The following PIK3R1 variants were observed in gnomAD, a reference collection of about 807,000 sequenced individuals.
The protein encoded by PIK3R1 is phosphoinositide-3-kinase regulatory subunit 1, also known as phosphatidylinositol 3-kinase regulatory subunit alpha.
PIK3R1 carries 29 observed loss-of-function variants against 98.0 expected under a neutral mutation model. The ratio of observed to expected loss-of-function variants is 0.30; its 90% CI spans 0.22 to 0.40. PIK3R1 has a LOEUF of 0.40. Ranked by LOEUF, PIK3R1 falls within the 10% of genes least tolerant of loss-of-function variation. The pLI, the probability that PIK3R1 is intolerant of heterozygous loss-of-function variation, is 1.00. For synonymous variants in PIK3R1, 282 were observed against 311.8 expected (o/e 0.90, Z 1.01); for missense variants, 596 against 872.7 (o/e 0.68, Z 3.99).
intron 2 of PIK3R1, among the ~76,000 whole-genome samples, chr5:68,242,423 A>G (rs1561266444): frequency 6.6e-6 from 1 of 152,138 alleles, no homozygotes; most frequent in Non-Finnish European, 1.5e-5. Context: ...TGCTTCCATT[A>G]TATCATCAAC....
intron 2 of PIK3R1, among the ~76,000 whole-genome samples, chr5:68,251,812 G>C (rs999311546): frequency 1.4e-4 from 21 of 152,278 alleles, no homozygotes; most frequent in Admixed American, 1.2e-3. Context: ...ATTATGAGAG[G>C]GAAAGGAGCA....
chr5:68,271,215 G>C (rs1207320996), intron 2 of PIK3R1, among the ~76,000 whole-genome samples: 1 of 152,196 alleles, frequency 6.6e-6, no homozygotes, highest in East Asian at 1.9e-4. Context: ...GCTCTGGCAA[G>C]TGTGGGAGAG....
intron 1 of PIK3R1, among the ~76,000 whole-genome samples, chr5:68,222,355 G>A (rs950843862): frequency 6.6e-6 from 1 of 152,166 alleles, no homozygotes; most frequent in Non-Finnish European, 1.5e-5. Flanking sequence ...CTCTAGATGT[G>A]ACAGTCCTTG....
At chr5:68,219,575 G>C (rs2111930459) in intron 1 of PIK3R1, among the ~76,000 whole-genome samples, 1 of 152,330 alleles carries the variant, frequency 6.6e-6, no homozygotes, top group Non-Finnish European at 1.5e-5. Flanking sequence ...GCCTCTCCCA[G>C]GCCTCCTTTG....
chr5:68,228,601 T>C (rs1481920246), intron 2 of PIK3R1, among the ~76,000 whole-genome samples: 2 of 152,228 alleles, frequency 1.3e-5, no homozygotes, highest in Admixed American at 6.5e-5. Flanking sequence ...CACCAAGTTA[T>C]ATATTTTCAC....
At chr5:68,276,028 T>C (rs953950951) in intron 4 of PIK3R1, among the ~76,000 whole-genome samples, 1 of 152,212 alleles carries the variant, frequency 6.6e-6, no homozygotes, top group East Asian at 1.9e-4. Context: ...TCTTTCACAT[T>C]TTTCAGTGCC....
chr5:68,246,160 A>G (rs1164513115), intron 2 of PIK3R1, among the ~76,000 whole-genome samples: 1 of 152,118 alleles, frequency 6.6e-6, no homozygotes, highest in Non-Finnish European at 1.5e-5. Flanking sequence ...TTACCGTACA[A>G]GTTTGGTTGT....
At chr5:68,251,667 C>CT (rs1199813361) in intron 2 of PIK3R1, among the ~76,000 whole-genome samples, 7 of 152,054 alleles carry the variant, frequency 4.6e-5, no homozygotes, top group African/African-American at 1.7e-4. Flanking sequence ...AAGTAGGAAG[C>CT]TTTTTTTATG....
chr5:68,274,053 G>A, intron 4 of PIK3R1, 40 bp downstream of exon 4: 2 of 1,474,848 alleles, frequency 1.4e-6, no homozygotes, highest in African/African-American at 2.8e-5. Context: ...GGGAAAGACA[G>A]GTCTTGGCTT....
intron 4 of PIK3R1, among the ~76,000 whole-genome samples, chr5:68,279,351 G>A (rs917919416): frequency 6.6e-6 from 1 of 152,112 alleles, no homozygotes; most frequent in African/African-American, 2.4e-5. Context: ...ATGGGCAGGG[G>A]GTCAGGCATC....
intron 2 of PIK3R1, among the ~76,000 whole-genome samples, chr5:68,272,447 C>A (rs1469741473): frequency 6.6e-6 from 1 of 152,004 alleles, no homozygotes; most frequent in Non-Finnish European, 1.5e-5. Flanking sequence ...TTCATAATGA[C>A]TTTAATTTAC....
chr5:68,223,312 C>T (rs983126465), intron 1 of PIK3R1, among the ~76,000 whole-genome samples: 4 of 151,794 alleles, frequency 2.6e-5, no homozygotes, highest in African/African-American at 9.7e-5. Context: ...TAGCTAAGGG[C>T]TCTCTACATC....
intron 7 of PIK3R1, chr5:68,288,524 G>A: frequency 7.3e-7 from 1 of 1,365,930 alleles, no homozygotes; most frequent in Non-Finnish European, 9.4e-7. Context: ...GAGCCGAGCC[G>A]AGCCAAGCGG....
intron 2 of PIK3R1, among the ~76,000 whole-genome samples, chr5:68,254,742 A>G (rs193049843): frequency 1.3e-5 from 2 of 152,160 alleles, no homozygotes; most frequent in African/African-American, 2.4e-5. Context: ...ATGCTTAGTT[A>G]TGGTTCATAC....
intron 2 of PIK3R1, among the ~76,000 whole-genome samples, chr5:68,242,605 C>T (rs754668910): frequency 1.3e-5 from 2 of 152,118 alleles, no homozygotes; most frequent in Admixed American, 6.5e-5. Flanking sequence ...TCATTCTACC[C>T]GTCTAAGGAG....
intron 2 of PIK3R1, among the ~76,000 whole-genome samples, chr5:68,268,906 T>A (rs1251370749): frequency 6.6e-6 from 1 of 152,196 alleles, no homozygotes; most frequent in East Asian, 1.9e-4. Flanking sequence ...TCGAGGCCTG[T>A]CCATGTTAGT....
At chr5:68,280,856 C>T (rs1198052530) in intron 6 of PIK3R1, 71 bp from the exon 7 acceptor site, 2 of 1,246,826 alleles carry the variant, frequency 1.6e-6, no homozygotes, top group Non-Finnish European at 2.3e-6. Flanking sequence ...CACACATTCA[C>T]TTGAGTGTAT....
At chr5:68,222,739 G>C (rs532659479) in intron 1 of PIK3R1, among the ~76,000 whole-genome samples, 2 of 152,164 alleles carry the variant, frequency 1.3e-5, no homozygotes, top group African/African-American at 4.8e-5. Flanking sequence ...GTCTGAGAGA[G>C]TTAAAGAGGC....
intron 2 of PIK3R1, among the ~76,000 whole-genome samples, chr5:68,252,341 A>G (rs935144467): frequency 1.3e-5 from 2 of 150,182 alleles, no homozygotes; most frequent in African/African-American, 4.9e-5. Flanking sequence ...TTTGAAAGCA[A>G]AGCTTGTTGC....
Sources: gnomAD v4.1 joint callset for allele counts (sites outside exome capture counted in the v4.1 genomes callset) on GRCh38, gnomAD v4.1.1 for gene constraint, MANE v1.5 for transcripts, NCBI Gene and HGNC (gene_info 2026-07-23, HGNC 2026-07-21) for gene names.